LRMDA: variants seen among roughly 807,000 people sequenced by gnomAD.
LRMDA encodes the protein leucine rich melanocyte differentiation associated, also known as leucine-rich melanocyte differentiation-associated protein.
LRMDA carries 18 observed loss-of-function variants against 29.8 expected under a neutral mutation model. The ratio of observed to expected loss-of-function variants is 0.60; its 90% confidence interval spans 0.42 to 0.90. The LOEUF is 0.90. Ranked by LOEUF, LRMDA falls within the 40% of genes least tolerant of loss-of-function variation. LRMDA has a pLI of 0.00. For missense variants in LRMDA, 273 were observed against 273.9 expected, an observed-to-expected ratio of 1.00 and a Z score of 0.02; for synonymous variants, 125 against 109.4, an observed-to-expected ratio of 1.14 and a Z score of -0.89.
At chr10:75,848,134 A>C (rs78197227) in intron 2 of LRMDA, among the ~76,000 whole-genome samples, 27,621 of 152,202 alleles carry the variant, frequency 0.18, 2,844 homozygotes, top group South Asian at 0.26. Flanking sequence ...CAGCATTATT[A>C]ACAATAGTCA....
In LRMDA at chr10:75,694,395, GTAA is replaced by G. The variant is rs1331637559; in HGVS notation, c.131+255908_131+255910del. Among the ~76,000 whole-genome samples, 3 of 152,180 alleles carry G rather than the reference GTAA, an allele frequency of 2.0e-5. No homozygotes were observed. In the East Asian group the frequency reaches 5.8e-4, roughly 29 times the overall value. On this transcript the variant is annotated intron_variant, in intron 2 of 6. Coordinates refer to ENST00000611255, the MANE Select transcript of LRMDA (RefSeq NM_001305581.2). Reference sequence around the variant, plus strand: ...CACCGTAGGATGCAAACCACAAGAGGTAATAATAACTGAAAGGCAGTTGTATGG... The same window carrying G: ...CACCGTAGGATGCAAACCACAAGAGGTAATAACTGAAAGGCAGTTGTATGG...
intron 1 of LRMDA, among the ~76,000 whole-genome samples, chr10:75,432,434 C>A (rs1010048744): frequency 2.0e-5 from 3 of 152,250 alleles, no homozygotes; most frequent in Admixed American, 2.0e-4. Flanking sequence ...CACCCAGTCT[C>A]ACATGCTTTG....
At position 75,940,791 on chromosome 10, in the gene LRMDA, C is replaced by T. The variant is rs531220143; in HGVS notation, c.132-95217C>T. Among the ~76,000 whole-genome samples, 621 of 151,352 alleles carry T rather than the reference C, an allele frequency of 4.1e-3. 5 individuals are homozygous for T. Among genetic ancestry groups the T allele is most frequent in the African/African-American group, 0.014 (589 of 41,268 alleles). ...TGGGGTGTGTGTGTGTGTGCGCGCG[C>T]GTGTGTGTGTGTTGAGGGGGTGTTT... On this transcript the variant is annotated intron_variant, in intron 2 of 6. Coordinates refer to ENST00000611255, the MANE Select transcript of LRMDA (RefSeq NM_001305581.2).
intron 5 of LRMDA, among the ~76,000 whole-genome samples, chr10:76,091,537 T>C (rs1000548571): frequency 6.6e-6 from 1 of 152,166 alleles, no homozygotes; most frequent in Non-Finnish European, 1.5e-5. Flanking sequence ...ACCTCACTTC[T>C]TGTTAGCCTG....
intron 2 of LRMDA, among the ~76,000 whole-genome samples, chr10:75,778,335 C>T (rs1843339327): frequency 6.6e-6 from 1 of 152,214 alleles, no homozygotes; most frequent in African/African-American, 2.4e-5. Flanking sequence ...ACCTCATCCT[C>T]CCAAAGTGCT....
intron 2 of LRMDA, among the ~76,000 whole-genome samples, chr10:75,886,806 C>T (rs768551260): frequency 8.5e-5 from 13 of 152,172 alleles, no homozygotes; most frequent in Non-Finnish European, 1.9e-4. Flanking sequence ...CTTCATTTTT[C>T]AGAGCCAGTT....
At chr10:75,666,694 G>A (rs1251726520) in intron 2 of LRMDA, among the ~76,000 whole-genome samples, 2 of 152,122 alleles carry the variant, frequency 1.3e-5, no homozygotes, top group East Asian at 3.9e-4. Context: ...TAGGTAGATG[G>A]TTGGTTTTTT....
At chr10:75,914,650 T>C (rs1477918789) in intron 2 of LRMDA, among the ~76,000 whole-genome samples, 2 of 152,216 alleles carry the variant, frequency 1.3e-5, no homozygotes, top group African/African-American at 4.8e-5. Context: ...GGTCAAGATA[T>C]CACCTAGAGT....
intron 2 of LRMDA, among the ~76,000 whole-genome samples, chr10:75,710,245 A>G (rs1356722816): frequency 1.3e-5 from 2 of 152,238 alleles, no homozygotes; most frequent in Non-Finnish European, 2.9e-5. Flanking sequence ...AAAAACCACT[A>G]GCTTCTCCCA....
At chr10:76,336,647 T>A (rs1840972648) in intron 6 of LRMDA, among the ~76,000 whole-genome samples, 1 of 152,082 alleles carries the variant, frequency 6.6e-6, no homozygotes, top group Admixed American at 6.5e-5. Flanking sequence ...CCAATTTAAA[T>A]TGCTGCTTCC....
rs138258972 is a variant in LRMDA at position 75,538,276 on chromosome 10, A to G, written c.131+99782A>G. 4.8e-3 allele frequency among the ~76,000 whole-genome samples: 730 copies of G among 152,290 alleles called. 1 individual carries two copies. Among genetic ancestry groups the G allele is most frequent in the Middle Eastern group, 0.017 (5 of 294 alleles). ...CTTTGTGCTGCCCAGGGAGCTTTGC[A>G]TAACACAGAGACTGAAAGCGGTGCA... is the stretch of plus-strand genomic sequence containing the variant. On this transcript the variant is annotated intron_variant, in intron 2 of 6. Transcript: ENST00000611255.
intron 3 of LRMDA, among the ~76,000 whole-genome samples, chr10:76,041,834 G>C (rs1848345865): frequency 6.6e-6 from 1 of 152,180 alleles, no homozygotes; most frequent in Non-Finnish European, 1.5e-5. Context: ...CCCCGGAGAA[G>C]ACTTGATAAG....
intron 6 of LRMDA, among the ~76,000 whole-genome samples, chr10:76,487,286 A>G (rs1842791543): frequency 6.6e-6 from 1 of 151,948 alleles, no homozygotes; most frequent in Non-Finnish European, 1.5e-5. Flanking sequence ...ATTGAAGTTT[A>G]AGAGACCAGT....
At chr10:76,220,389 G>T (rs1287399940) in intron 5 of LRMDA, among the ~76,000 whole-genome samples, 1 of 151,788 alleles carries the variant, frequency 6.6e-6, no homozygotes, top group East Asian at 1.9e-4. Flanking sequence ...TAATAAAGAA[G>T]AAAAGAGAGA....
At chr10:75,759,575 G>A (rs180991138) in intron 2 of LRMDA, among the ~76,000 whole-genome samples, 1 of 152,154 alleles carries the variant, frequency 6.6e-6, no homozygotes, top group African/African-American at 2.4e-5. Context: ...AGGCTAAGAA[G>A]CCCATTTATC....
chr10:76,254,844 C>T lies in LRMDA; in HGVS notation c.517-69557C>T, dbSNP rs534791261. Among the ~76,000 whole-genome samples the T allele has an allele frequency of 5.3e-5, 8 of 152,202 alleles. No individual in the cohort carries two copies. The South Asian group carries it at 8.3e-4, about 16-fold the overall frequency. ...TTCATTTTATTTTAGAAGTTACGAC[C>T]GGTTTTATAGGAACAATGTGCCTTT... On this transcript the variant is annotated intron_variant, in intron 5 of 6. Transcript: ENST00000611255.
At chr10:75,634,291 TA>T (rs1841363209) in intron 2 of LRMDA, among the ~76,000 whole-genome samples, 1 of 152,232 alleles carries the variant, frequency 6.6e-6, no homozygotes, top group South Asian at 2.1e-4. Flanking sequence ...GCCTAGAGTT[TA>T]TTGGTGCCTT....
intron 2 of LRMDA, among the ~76,000 whole-genome samples, chr10:75,558,043 C>T (rs1263824509): frequency 6.6e-6 from 1 of 152,030 alleles, no homozygotes; most frequent in African/African-American, 2.4e-5. Flanking sequence ...ATGCACTGCA[C>T]TGCTTCATCG....
In LRMDA at chr10:75,773,047, G is replaced by A. The variant is rs750114734; in HGVS notation, c.132-262961G>A. Among the ~76,000 whole-genome samples the A allele has an allele frequency of 6.6e-5, 10 of 152,144 alleles. No individual in the cohort carries two copies. In the South Asian group the frequency reaches 1.0e-3, roughly 16 times the overall value. ...AAATAAATTTGTTCAGAAAAGTATC[G>A]TGAATGTCTATATTCATTCCACTGC... On this transcript the variant is annotated intron_variant, in intron 2 of 6. Coordinates refer to ENST00000611255, the MANE Select transcript of LRMDA (RefSeq NM_001305581.2).
Sources: gnomAD v4.1 joint callset for allele counts (sites outside exome capture counted in the v4.1 genomes callset) on GRCh38, gnomAD v4.1.1 for gene constraint, MANE v1.5 for transcripts, NCBI Gene and HGNC (gene_info 2026-07-23, HGNC 2026-07-21) for gene names.